Variants in ADAMTSL3 observed in about 807,000 individuals in gnomAD.
ADAMTSL3 encodes ADAMTS-like protein 3.
A neutral mutation model predicts 201.7 loss-of-function variants in ADAMTSL3; 128 were observed. That is an observed-to-expected ratio of 0.63 (90% CI 0.55 to 0.73). ADAMTSL3 has a LOEUF of 0.73. Among genes scored for constraint, ADAMTSL3 ranks in the 30% least tolerant of loss-of-function variants. The pLI, the probability that ADAMTSL3 is intolerant of heterozygous loss-of-function variation, is 0.00. For synonymous variants in ADAMTSL3, 738 were observed against 748.4 expected (o/e 0.99, Z 0.23); for missense variants, 1,990 against 2,119.6 (o/e 0.94, Z 1.20).
At chr15:83,717,375 G>A (rs1258537647) in intron 3 of ADAMTSL3, 1 of 152,222 alleles carries the variant, frequency 6.6e-6, no homozygotes, top group Non-Finnish European at 1.5e-5. Context: ...TATAAGAACT[G>A]TATGAGATAT....
intron 16 of ADAMTSL3, among the ~76,000 whole-genome samples, chr15:83,916,622 T>G (rs1232075221): frequency 6.6e-6 from 1 of 152,086 alleles, no homozygotes; most frequent in Non-Finnish European, 1.5e-5. Flanking sequence ...ACTGAAGAGC[T>G]AAGGCAAAAA....
intron 2 of ADAMTSL3, among the ~76,000 whole-genome samples, chr15:83,660,364 A>C (rs2061145807): frequency 6.6e-6 from 1 of 152,198 alleles, no homozygotes; most frequent in African/African-American, 2.4e-5. Flanking sequence ...ATCCTAAGGA[A>C]GGTAGTCCTG....
intron 3 of ADAMTSL3, among the ~76,000 whole-genome samples, chr15:83,705,734 C>T (rs1381188037): frequency 1.3e-5 from 2 of 152,150 alleles, no homozygotes; most frequent in East Asian, 1.9e-4. Flanking sequence ...CTTGAGGCTG[C>T]TGCTCAGTGA....
chr15:83,660,166 G>A (rs2061143332), intron 2 of ADAMTSL3, among the ~76,000 whole-genome samples: 1 of 152,156 alleles, frequency 6.6e-6, no homozygotes, highest in South Asian at 2.1e-4. Flanking sequence ...AGAGAGGCTG[G>A]CAAAGTCACA....
chr15:83,819,086 G>A (rs548360089), intron 5 of ADAMTSL3, among the ~76,000 whole-genome samples: 6 of 151,956 alleles, frequency 3.9e-5, no homozygotes, highest in Non-Finnish European at 7.4e-5. Context: ...CCTGGCCAAC[G>A]TGGTGAAACC....
intron 8 of ADAMTSL3, among the ~76,000 whole-genome samples, chr15:83,867,504 C>G (rs1487796151): frequency 6.6e-6 from 1 of 152,140 alleles, no homozygotes; most frequent in African/African-American, 2.4e-5. Context: ...AGGTCATAAA[C>G]CAAAAACCTC....
intron 10 of ADAMTSL3, among the ~76,000 whole-genome samples, chr15:83,885,773 G>A (rs1380221148): frequency 6.6e-6 from 1 of 151,834 alleles, no homozygotes; most frequent in Admixed American, 6.6e-5. Flanking sequence ...CGCCCAGGCT[G>A]GAGTGCCGTG....
intron 19 of ADAMTSL3, among the ~76,000 whole-genome samples, chr15:83,969,473 C>A (rs1188793697): frequency 6.6e-6 from 1 of 152,134 alleles, no homozygotes; most frequent in Non-Finnish European, 1.5e-5. Context: ...AAACAATGGA[C>A]ATGCCCATAG....
chr15:83,959,886 T>C (rs1399686399), intron 19 of ADAMTSL3, among the ~76,000 whole-genome samples: 2 of 152,070 alleles, frequency 1.3e-5, no homozygotes, highest in African/African-American at 2.4e-5. Flanking sequence ...GAAAAAAGGG[T>C]TTACAAACCA....
Position 83,922,639 on chromosome 15 carries a change from A to G in ADAMTSL3, c.1988-1265A>G, listed in dbSNP as rs114409650. 8.6e-3 allele frequency among the ~76,000 whole-genome samples: 1,304 copies of G among 152,348 alleles called. 15 individuals are homozygous for G. The highest frequency in any genetic ancestry group is 0.029 in the African/African-American group (1,217 of 41,574). On this transcript the variant is annotated intron_variant, in intron 16 of 29. Transcript: ENST00000286744. Reference sequence around the variant, plus strand: ...AATGTTTATTTTAAAAGTTCATAGAAGATACATGCAGATTTAATACTGCAT... The same window carrying G: ...AATGTTTATTTTAAAAGTTCATAGAGGATACATGCAGATTTAATACTGCAT...
intron 17 of ADAMTSL3, among the ~76,000 whole-genome samples, chr15:83,936,108 T>A (rs1005122363): frequency 1.3e-5 from 2 of 152,056 alleles, no homozygotes; most frequent in African/African-American, 2.4e-5. Context: ...TCTAAAAAAG[T>A]TTATTGACTA....
rs2061372414 is a variant in ADAMTSL3 at position 83,674,698 on chromosome 15, T to TATATACACAC, written c.69+18873_69+18874insCACACATATA. 4.0e-5 allele frequency among the ~76,000 whole-genome samples: 5 copies of TATATACACAC among 124,246 alleles called. No individual in the cohort carries two copies. In the East Asian group the frequency reaches 9.0e-4, roughly 22 times the overall value. The allele number at this position is 124,246 out of a possible 152,430, so 81.5% of individuals were successfully genotyped here. A position where few individuals can be genotyped will look rare whatever the true frequency, so the allele number is the denominator to read the frequency against. ...ACACACATATATACATATATACACA[T>TATATACACAC]ATATATACATATATACACACATATA... On this transcript the variant is annotated intron_variant, in intron 2 of 29. Transcript: ENST00000286744.
chr15:83,758,664 T>C (rs1393593104), intron 3 of ADAMTSL3, among the ~76,000 whole-genome samples: 2 of 152,246 alleles, frequency 1.3e-5, no homozygotes, highest in Non-Finnish European at 2.9e-5. Flanking sequence ...TTAGTGATAT[T>C]GAACACCTTT....
chr15:83,692,673 G>T lies in ADAMTSL3; in HGVS notation c.70-11716G>T, dbSNP rs906330860. 3.2e-4 allele frequency among the ~76,000 whole-genome samples: 41 copies of T among 129,570 alleles called. No homozygotes were observed. The Admixed American group carries it at 3.2e-3, about 10-fold the overall frequency. The allele number at this position is 129,570 out of a possible 152,430, so 85.0% of individuals were successfully genotyped here. ...TGCACTCCAGCCTGGGCGACAGAGC[G>T]AGACTCCATCTCAAAAAAAAAAAAA... On this transcript the variant is annotated intron_variant, in intron 2 of 29. Transcript: ENST00000286744.
intron 27 of ADAMTSL3, 86 bp downstream of exon 27, chr15:84,025,522 CT>C (rs1002361733): frequency 1.1e-5 from 14 of 1,326,548 alleles, no homozygotes; most frequent in African/African-American, 3.0e-5. Flanking sequence ...CAATAAACTA[CT>C]TTTGGGGCGG....
chr15:83,847,939 A>ATT (rs57098025), intron 7 of ADAMTSL3, among the ~76,000 whole-genome samples: 2,649 of 147,466 alleles, frequency 0.018, 76 homozygotes, highest in African/African-American at 0.062. Context: ...AATAAAACCT[A>ATT]TTTTTTTTTT....
At chr15:83,928,278 C>T (rs1434978835) in intron 17 of ADAMTSL3, among the ~76,000 whole-genome samples, 2 of 152,100 alleles carry the variant, frequency 1.3e-5, no homozygotes, top group Non-Finnish European at 2.9e-5. Flanking sequence ...ACCTTCCAAG[C>T]CCCTAGGATT....
intron 20 of ADAMTSL3, 31 bp downstream of exon 20, chr15:83,970,668 A>G (rs372112032): frequency 1.0e-4 from 166 of 1,610,512 alleles, no homozygotes; most frequent in Non-Finnish European, 1.4e-4. Context: ...CTTCACCAAG[A>G]TATGCTGATT....
chr15:84,031,240 A>G lies in ADAMTSL3; in HGVS notation c.4657-95A>G, dbSNP rs2141937045. ...CAGTTGGTTACAGTCCCCTTGTAAT[A>G]GGTCTTCAGCTATCCTGCCTCAGTA... On this transcript the variant is annotated intron_variant, in intron 27 of 29. Coordinates refer to ENST00000286744, the MANE Select transcript of ADAMTSL3 (RefSeq NM_207517.3). The G allele has an allele frequency of 3.3e-6, 4 of 1,215,318 alleles. No individual in the cohort carries two copies. In the East Asian group the frequency reaches 9.5e-5, roughly 29 times the overall value. The allele number at this position is 1,215,318 out of a possible 1,614,324, so 75.3% of individuals were successfully genotyped here.
Sources: gnomAD v4.1 joint callset for allele counts (sites outside exome capture counted in the v4.1 genomes callset) on GRCh38, gnomAD v4.1.1 for gene constraint, MANE v1.5 for transcripts, NCBI Gene and HGNC (gene_info 2026-07-23, HGNC 2026-07-21) for gene names.